The following TTC39B variants were observed in gnomAD, a reference collection of about 807,000 sequenced individuals.
TTC39B encodes the protein tetratricopeptide repeat protein 39B.
A neutral mutation model predicts 96.6 loss-of-function variants in TTC39B; 92 were observed. The observed-to-expected ratio is 0.95, with a 90% confidence interval of 0.80 to 1.13. The LOEUF (loss-of-function observed/expected upper bound fraction) is 1.13, where lower values mean the gene tolerates loss of function less well. Ranked by LOEUF, TTC39B falls within the 50% of genes most tolerant of loss-of-function variation. The pLI is 0.00. For missense variants in TTC39B, 955 were observed against 809.3 expected, an observed-to-expected ratio of 1.18 and a Z score of -2.18; for synonymous variants, 367 against 299.4, an observed-to-expected ratio of 1.23 and a Z score of -2.33.
At chr9:15,186,281 G>C (rs533001639) in intron 15 of TTC39B, among the ~76,000 whole-genome samples, 1 of 152,128 alleles carries the variant, frequency 6.6e-6, no homozygotes, top group Admixed American at 6.5e-5. Context: ...GTTCATTACC[G>C]TCAGTGGAAA....
chr9:15,230,725 TA>T (rs1821373435), intron 2 of TTC39B, among the ~76,000 whole-genome samples: 1 of 152,234 alleles, frequency 6.6e-6, no homozygotes, highest in African/African-American at 2.4e-5. Context: ...CTCACTCCTG[TA>T]ATCCCAGCAG....
intron 2 of TTC39B, among the ~76,000 whole-genome samples, chr9:15,233,809 G>A (rs1382167354): frequency 2.6e-5 from 4 of 151,080 alleles, no homozygotes; most frequent in African/African-American, 9.7e-5. Context: ...GTCTCTGCCT[G>A]GCCGCCCATC....
intron 2 of TTC39B, among the ~76,000 whole-genome samples, chr9:15,250,423 A>G (rs1280595107): frequency 6.6e-6 from 1 of 152,236 alleles, no homozygotes; most frequent in Non-Finnish European, 1.5e-5. Flanking sequence ...GAAAAAAAAA[A>G]AAGAATGATC....
chr9:15,186,758 T>A, intron 15 of TTC39B, 186 bp downstream of exon 15: 1 of 555,668 alleles, frequency 1.8e-6, no homozygotes, highest in South Asian at 2.4e-5. Context: ...GCAATGGCAT[T>A]ATTTCAGCTC....
intron 13 of TTC39B, 59 bp downstream of exon 13, chr9:15,189,515 C>G: frequency 6.4e-7 from 1 of 1,574,400 alleles, no homozygotes. Context: ...GTCACAGCGA[C>G]TCATGTAGGA....
chr9:15,273,413 G>A (rs1021275360), intron 1 of TTC39B, among the ~76,000 whole-genome samples: 3 of 152,132 alleles, frequency 2.0e-5, no homozygotes, highest in Admixed American at 6.5e-5. Flanking sequence ...GCCAGGTACT[G>A]TAAATCCACA....
At chr9:15,229,324 C>A (rs1299008105) in intron 2 of TTC39B, among the ~76,000 whole-genome samples, 1 of 152,180 alleles carries the variant, frequency 6.6e-6, no homozygotes, top group Non-Finnish European at 1.5e-5. Flanking sequence ...CTCAAGGTCA[C>A]CTTGGAGCAC....
intron 1 of TTC39B, among the ~76,000 whole-genome samples, chr9:15,274,365 G>A (rs1208448372): frequency 6.6e-6 from 1 of 152,060 alleles, no homozygotes; most frequent in East Asian, 1.9e-4. Flanking sequence ...TAAATCCCAA[G>A]GACTACCAAC....
exon 20 of TTC39B, chr9:15,164,107 C>T (rs1817477661): frequency 6.6e-6 from 1 of 152,152 alleles, no homozygotes; most frequent in Non-Finnish European, 1.5e-5. Flanking sequence ...CCAATGCCTC[C>T]TTGATCAGCA....
chr9:15,168,427 A>AAAAC (rs889896878), exon 20 of TTC39B: 1 of 151,910 alleles, frequency 6.6e-6, no homozygotes, highest in African/African-American at 2.4e-5. Flanking sequence ...TACAAAAAAA[A>AAAAC]AAAACAGAAA....
intron 1 of TTC39B, among the ~76,000 whole-genome samples, chr9:15,271,328 G>A (rs1283345546): frequency 6.6e-6 from 1 of 152,268 alleles, no homozygotes; most frequent in Non-Finnish European, 1.5e-5. Context: ...TTTTAGTGGC[G>A]AAAAAGACTA....
intron 2 of TTC39B, among the ~76,000 whole-genome samples, chr9:15,262,313 G>A (rs957256616): frequency 1.2e-4 from 18 of 152,056 alleles, no homozygotes; most frequent in African/African-American, 4.1e-4. Context: ...TGGCCAGGCT[G>A]GTCTCAAACT....
rs1180954923 is a variant in TTC39B at position 15,211,398 on chromosome 9, C to G, written c.483-1G>C. ...GGCATGGTACATACTCTCCTTAGCC[C>G]TGGGAAGAACACAGGGAATTCAGAC... On this transcript the variant is annotated splice_acceptor_variant, in intron 4 of 19. Transcript: ENST00000512701. LOFTEE classifies it high-confidence loss of function. 1 of 1,490,950 alleles carries G rather than the reference C, an allele frequency of 6.7e-7. No individual in the cohort carries two copies. The highest frequency in any genetic ancestry group is 2.6e-5 in the East Asian group (1 of 38,762). The allele number at this position is 1,490,950 out of a possible 1,614,324, so 92.4% of individuals were successfully genotyped here.
At chr9:15,194,800 C>T (rs1462025997) in intron 8 of TTC39B, among the ~76,000 whole-genome samples, 1 of 152,162 alleles carries the variant, frequency 6.6e-6, no homozygotes. Flanking sequence ...GAACCACACC[C>T]ATATAAGAGC....
intron 17 of TTC39B, among the ~76,000 whole-genome samples, chr9:15,180,477 T>C (rs760659528): frequency 1.2e-4 from 18 of 152,248 alleles, no homozygotes; most frequent in Admixed American, 2.0e-4. Flanking sequence ...TTTGTATCAA[T>C]GGCCAGCATT....
chr9:15,177,743 G>A lies in TTC39B; in HGVS notation c.1795C>T (p.Gln599Ter), dbSNP rs1818019743. Residue 599 changes from glutamine (Q) to a stop codon, truncating the protein, a stop_gained, in exon 18 of 20, where the codon CAG (glutamine) becomes TAG (stop). Coordinates refer to ENST00000512701, the Ensembl canonical transcript of TTC39B. LOFTEE classifies it high-confidence loss of function. ...CATAGTTCAGCTTGCAAGGGCCGCTGTAAGTTCTTGAGGCAACATCCTTTA... is the reference window on the plus strand; with the variant it reads ...CATAGTTCAGCTTGCAAGGGCCGCTATAAGTTCTTGAGGCAACATCCTTTA... The A allele has an allele frequency of 1.2e-6, 2 of 1,613,180 alleles. No homozygotes were observed. The highest frequency in any genetic ancestry group is 2.2e-5 in the East Asian group (1 of 44,842).
At chr9:15,207,222 C>A (rs995999502) in intron 6 of TTC39B, among the ~76,000 whole-genome samples, 1 of 152,120 alleles carries the variant, frequency 6.6e-6, no homozygotes, top group African/African-American at 2.4e-5. Flanking sequence ...ATACATTCCA[C>A]CTCCTGGGCT....
chr9:15,211,295 G>A (rs752019025), exon 5 of TTC39B: 7 of 1,580,170 alleles, frequency 4.4e-6, no homozygotes, highest in Non-Finnish European at 5.1e-6. Context: ...CGTCCTTCAT[G>A]GCAGAAATGC....
At chr9:15,274,507 C>T (rs1235132318) in intron 1 of TTC39B, among the ~76,000 whole-genome samples, 1 of 152,144 alleles carries the variant, frequency 6.6e-6, no homozygotes, top group Non-Finnish European at 1.5e-5. Context: ...AGGACAAGCA[C>T]CCCTCATACC....
Sources: gnomAD v4.1 joint callset for allele counts (sites outside exome capture counted in the v4.1 genomes callset) on GRCh38, gnomAD v4.1.1 for gene constraint, MANE v1.5 for transcripts, NCBI Gene and HGNC (gene_info 2026-07-23, HGNC 2026-07-21) for gene names.